FRMPD1: variants seen among roughly 807,000 people sequenced by gnomAD.
FRMPD1 encodes the protein FERM and PDZ domain containing 1.
FRMPD1 carries 76 observed loss-of-function variants against 117.8 expected under a neutral mutation model. The observed-to-expected ratio is 0.65, with a 90% CI of 0.54 to 0.78. The LOEUF is 0.78. Ranked by LOEUF, FRMPD1 falls within the 30% of genes least tolerant of loss-of-function variation. The probability of loss-of-function intolerance (pLI) is 0.00; values close to 1 mark genes in which losing one functional copy is unlikely to be tolerated. For missense variants in FRMPD1, 1,786 were observed against 1,964.5 expected, an observed-to-expected ratio of 0.91 and a Z score of 1.72; for synonymous variants, 783 against 770.4, an observed-to-expected ratio of 1.02 and a Z score of -0.27.
At chr9:37,637,983 T>G in the FRMPD1 span, among the ~76,000 whole-genome samples, 172 of 107,614 alleles carry the variant, frequency 1.6e-3, 22 homozygotes, top group Admixed American at 4.2e-3. Flanking sequence ...TTTCTTTCTT[T>G]CTTTCTTTCT....
Position 37,729,796 on chromosome 9 carries a change from A to G in FRMPD1, c.681A>G (p.Glu227=), listed in dbSNP as rs2118366844. ...RSIEYFALAL[E]EQYSISRLHL... is the part of the protein sequence containing the mutation. ...TCGAGTACTTTGCACTGGCCCTGGA[A>G]GAGCAGTACAGCATCTCCCGGCTGC... The change falls in exon 8 of 16, where the codon GAA becomes GAG. Residue 227 remains glutamate, a synonymous_variant. Transcript: ENST00000377765. 1.2e-6 allele frequency: 2 copies of G among 1,613,998 alleles called. No homozygotes were observed. The highest frequency in any genetic ancestry group is 1.7e-6 in the Non-Finnish European group (2 of 1,179,880).
chr9:37,692,822 A>G, intron 2 of FRMPD1, 80 bp downstream of exon 2: 2 of 992,624 alleles, frequency 2.0e-6, no homozygotes, highest in South Asian at 2.6e-5. Context: ...TCCTGGCCGC[A>G]CCTTGGGATT....
chr9:37,709,554 CA>C (rs921868148), intron 4 of FRMPD1, among the ~76,000 whole-genome samples: 1 of 150,048 alleles, frequency 6.7e-6, no homozygotes, highest in Non-Finnish European at 1.5e-5. Flanking sequence ...GACTCCATCT[CA>C]AAAAAAGAGA....
intron 6 of FRMPD1, among the ~76,000 whole-genome samples, chr9:37,719,851 G>A (rs568953327): frequency 3.3e-4 from 50 of 152,296 alleles, no homozygotes; most frequent in African/African-American, 9.6e-4. Context: ...GAAAATGTTG[G>A]CTAGAGTTTG....
the FRMPD1 span, among the ~76,000 whole-genome samples, chr9:37,617,924 T>C: frequency 1.3e-5 from 2 of 152,174 alleles, no homozygotes; most frequent in Non-Finnish European, 2.9e-5. Context: ...TGAGAGCCCA[T>C]TCTTTGCATG....
At chr9:37,727,572 GAGA>G (rs1038412597) in intron 7 of FRMPD1, among the ~76,000 whole-genome samples, 11 of 152,010 alleles carry the variant, frequency 7.2e-5, no homozygotes, top group African/African-American at 2.4e-4. Context: ...TGGGAGAATG[GAGA>G]AGAAGGGACA....
At chr9:37,688,656 A>G (rs770951964) in intron 1 of FRMPD1, among the ~76,000 whole-genome samples, 30 of 152,142 alleles carry the variant, frequency 2.0e-4, no homozygotes, top group Non-Finnish European at 4.0e-4. Flanking sequence ...ATGTCCAATG[A>G]TAGATTTATT....
intron 14 of FRMPD1, among the ~76,000 whole-genome samples, chr9:37,739,707 C>T (rs1054607348): frequency 9.2e-5 from 14 of 152,186 alleles, no homozygotes; most frequent in African/African-American, 3.1e-4. Flanking sequence ...CTGACTTTGA[C>T]GCCCAGGCAG....
intron 1 of FRMPD1, among the ~76,000 whole-genome samples, chr9:37,691,961 A>C (rs1822153694): frequency 6.6e-6 from 1 of 152,182 alleles, no homozygotes. Flanking sequence ...ATGGAAAACA[A>C]GAGCAGTGAT....
rs1824635661 is a variant in FRMPD1, at chr9:37,745,167, G to C, written c.3135G>C (p.Gln1045His). ...CTCAAGGAGACACACTAGAGCTCCA[G>C]TTGGAGCCCCATGTCCAGTTGGAAA... The part of the protein sequence containing the change: ...NVSQGDTLEL[Q>H]LEPHVQLEMG... The change falls in exon 16 of 16, where the codon CAG (glutamine) becomes CAC (histidine). Residue 1045 changes from glutamine (Q) to histidine (H), a missense_variant. By Grantham distance (24) the Gln-to-His change is conservative. Coordinates refer to ENST00000377765, the MANE Select transcript of FRMPD1 (RefSeq NM_014907.3). The C allele has an allele frequency of 6.2e-7, 1 of 1,613,902 alleles. No individual in the cohort carries two copies. The highest frequency in any genetic ancestry group is 1.3e-5 in the African/African-American group (1 of 74,924).
intron 2 of FRMPD1, among the ~76,000 whole-genome samples, chr9:37,706,212 G>A (rs1036552968): frequency 6.6e-6 from 1 of 152,020 alleles, no homozygotes; most frequent in Non-Finnish European, 1.5e-5. Flanking sequence ...TCAGGGCCTG[G>A]GGGGGATCCT....
chr9:37,680,000 AG>A (rs1341496021), intron 1 of FRMPD1, among the ~76,000 whole-genome samples: 1 of 152,202 alleles, frequency 6.6e-6, no homozygotes, highest in Admixed American at 6.5e-5. Context: ...CACCCTTTCT[AG>A]GGATACTGTT....
At chr9:37,744,360 T>G in intron 15 of FRMPD1, 29 bp from the exon 16 acceptor site, 6 of 1,502,382 alleles carry the variant, frequency 4.0e-6, no homozygotes, top group Non-Finnish European at 5.4e-6. Flanking sequence ...TTGTGCTTTT[T>G]AATGTATTTT....
the FRMPD1 span, among the ~76,000 whole-genome samples, chr9:37,640,689 A>G: frequency 5.9e-5 from 9 of 152,096 alleles, no homozygotes; most frequent in Non-Finnish European, 1.0e-4. Context: ...TCAATAGTAG[A>G]CTCATAAAAT....
rs779949389 is a variant in FRMPD1 at position 37,740,554 on chromosome 9, G to C, written c.2026G>C (p.Glu676Gln). ...CCAGTGCCAGAAGACAGAGTTTTCC[G>C]AGAGTGCTGCTTTGGAGACATTTGG... ...NPQCQKTEFS[E>Q]SAALETFGWA... Residue 676 changes from glutamate to glutamine, a missense_variant, in exon 15 of 16, where the codon GAG (glutamate) becomes CAG (glutamine). Physicochemically the swap from Glu to Gln is conservative, Grantham distance 29. Coordinates refer to ENST00000377765, the MANE Select transcript of FRMPD1 (RefSeq NM_014907.3). The surrounding 1 kb of genome is among the most constrained non-coding windows in gnomAD (Gnocchi z 4.2). The C allele has an allele frequency of 2.5e-6, 4 of 1,614,106 alleles. No individual in the cohort carries two copies. Among genetic ancestry groups the C allele is most frequent in the Non-Finnish European group, 3.4e-6 (4 of 1,180,034 alleles).
chr9:37,696,671 G>C (rs1468328251), intron 2 of FRMPD1, among the ~76,000 whole-genome samples: 1 of 152,236 alleles, frequency 6.6e-6, no homozygotes, highest in Non-Finnish European at 1.5e-5. Context: ...CATTAGCCCT[G>C]AATTTCCTGG....
chr9:37,641,553 A>G, the FRMPD1 span, among the ~76,000 whole-genome samples: 4 of 152,202 alleles, frequency 2.6e-5, no homozygotes, highest in East Asian at 7.7e-4. Context: ...CACGGCCCAG[A>G]TCCTTTCCAG....
intron 1 of FRMPD1, among the ~76,000 whole-genome samples, chr9:37,653,565 C>T (rs1588900641): frequency 1.3e-5 from 2 of 152,086 alleles, no homozygotes; most frequent in African/African-American, 4.8e-5. Context: ...TGGGAGGTCA[C>T]AGAAGGCTAA....
At chr9:37,605,933 C>CTG in the FRMPD1 span, among the ~76,000 whole-genome samples, 3 of 151,964 alleles carry the variant, frequency 2.0e-5, no homozygotes, top group Admixed American at 1.3e-4. Flanking sequence ...TCTTGAAGTC[C>CTG]TGGGCTCAAA....
Sources: allele counts gnomAD v4.1 joint callset (sites outside exome capture counted in the v4.1 genomes callset), GRCh38; gene constraint gnomAD v4.1.1; non-coding constraint Gnocchi (gnomAD v3.1); transcripts MANE v1.5; gene names NCBI Gene and HGNC (gene_info 2026-07-23, HGNC 2026-07-21).